Variants in NYAP2 observed in about 807,000 individuals in gnomAD.
NYAP2 encodes the protein neuronal tyrosine-phosphorylated phosphoinositide-3-kinase adapter 2.
Under a neutral mutation model 50.4 loss-of-function variants are expected in NYAP2, and 23 were observed. The ratio of observed to expected loss-of-function variants is 0.46; its 90% CI spans 0.33 to 0.65. The LOEUF is 0.65. Among genes scored for constraint, NYAP2 ranks in the 30% least tolerant of loss-of-function variants. The pLI, the probability that NYAP2 is intolerant of heterozygous loss-of-function variation, is 0.02. For missense variants in NYAP2, 885 were observed against 861.0 expected (o/e 1.03, Z -0.35); for synonymous variants, 394 against 365.2 (o/e 1.08, Z -0.90).
At chr2:225,656,808 C>G (rs187728188), downstream of NYAP2, among the ~76,000 whole-genome samples, 12 of 152,206 alleles carry the variant, frequency 7.9e-5, no homozygotes, top group Admixed American at 7.8e-4. Flanking sequence ...CAATGCCCAG[C>G]GCAAAGTGAG....
intron 2 of NYAP2, among the ~76,000 whole-genome samples, chr2:225,405,402 C>G (rs994140018): frequency 5.9e-5 from 9 of 151,934 alleles, no homozygotes; most frequent in African/African-American, 2.2e-4. Flanking sequence ...TTATAAAATT[C>G]TTGCATACAT....
intron 5 of NYAP2, among the ~76,000 whole-genome samples, chr2:225,595,897 C>A (rs762448926): frequency 6.6e-6 from 1 of 152,190 alleles, no homozygotes; most frequent in East Asian, 1.9e-4. Context: ...CTGGCTTCCT[C>A]TTCTACTCAC....
intron 3 of NYAP2, among the ~76,000 whole-genome samples, chr2:225,448,653 G>C (rs1689600197): frequency 6.6e-6 from 1 of 152,090 alleles, no homozygotes; most frequent in Admixed American, 6.6e-5. Context: ...TCCCAGTAGG[G>C]CTGGCCCTCT....
rs1309957389 is a variant in NYAP2, at chr2:225,582,760, C to T, written c.1343C>T (p.Pro448Leu). The T allele has an allele frequency of 6.2e-7, 1 of 1,613,832 alleles. No individual in the cohort carries two copies. The highest frequency in any genetic ancestry group is 8.5e-7 in the Non-Finnish European group (1 of 1,179,860). ...GTCAGCATGGGGAGGTCCCTGACTCCCCTGAGCCTCAAAAGGCCTCCCCCT... is the reference window on the plus strand; with the variant it reads ...GTCAGCATGGGGAGGTCCCTGACTCTCCTGAGCCTCAAAAGGCCTCCCCCT... Residue 448 changes from proline to leucine, a missense_variant, in exon 5 of 7, where the codon CCC becomes CTC. Coordinates refer to ENST00000636099, the Ensembl canonical transcript of NYAP2. The surrounding 1 kb of genome is among the most constrained non-coding windows in gnomAD (Gnocchi z 7.0).
At chr2:225,403,236 C>T (rs182537942) in intron 2 of NYAP2, among the ~76,000 whole-genome samples, 18 of 152,054 alleles carry the variant, frequency 1.2e-4, no homozygotes, top group Admixed American at 9.8e-4. Flanking sequence ...CTTAATAACT[C>T]AAATTCTAAT....
intron 4 of NYAP2, among the ~76,000 whole-genome samples, chr2:225,567,583 A>C (rs1691983134): frequency 6.6e-6 from 1 of 152,036 alleles, no homozygotes. Flanking sequence ...GTTCACAAGA[A>C]AGAAAGAGAT....
chr2:225,441,008 T>C (rs1277763381), intron 3 of NYAP2, among the ~76,000 whole-genome samples: 2 of 152,202 alleles, frequency 1.3e-5, no homozygotes, highest in Non-Finnish European at 1.5e-5. Flanking sequence ...TTACATTCTG[T>C]GCACTGATCT....
chr2:225,534,371 T>A (rs1294695124), intron 4 of NYAP2, among the ~76,000 whole-genome samples: 1 of 152,234 alleles, frequency 6.6e-6, no homozygotes, highest in Non-Finnish European at 1.5e-5. Flanking sequence ...TCCATATGAT[T>A]GTTCTTTAAT....
intron 5 of NYAP2, among the ~76,000 whole-genome samples, chr2:225,620,457 A>G (rs1198736213): frequency 2.2e-5 from 3 of 137,056 alleles, no homozygotes; most frequent in African/African-American, 5.2e-5. Flanking sequence ...ACGCACGCAC[A>G]CACGCGCATG....
intron 3 of NYAP2, among the ~76,000 whole-genome samples, chr2:225,457,096 T>G (rs1317293447): frequency 1.3e-5 from 2 of 152,230 alleles, no homozygotes; most frequent in African/African-American, 4.8e-5. Context: ...CCATTATTGA[T>G]TCATTGTTTA....
chr2:225,486,612 C>T (rs1238481495), intron 3 of NYAP2, among the ~76,000 whole-genome samples: 1 of 152,196 alleles, frequency 6.6e-6, no homozygotes, highest in East Asian at 1.9e-4. Context: ...CTGAAATAAC[C>T]TCCGGGTTTG....
At chr2:225,641,288 A>T (rs1369446348) in intron 6 of NYAP2, among the ~76,000 whole-genome samples, 1 of 152,134 alleles carries the variant, frequency 6.6e-6, no homozygotes, top group Non-Finnish European at 1.5e-5. Context: ...ACATTATAAA[A>T]TAGAAGACTC....
chr2:225,608,474 A>G (rs933830821), intron 5 of NYAP2, among the ~76,000 whole-genome samples: 47 of 152,176 alleles, frequency 3.1e-4, no homozygotes, highest in African/African-American at 1.0e-3. Flanking sequence ...AATAAATACA[A>G]ACTCTGTAGC....
intron 2 of NYAP2, among the ~76,000 whole-genome samples, chr2:225,406,338 C>T (rs550701140): frequency 7.3e-4 from 111 of 151,918 alleles, no homozygotes; most frequent in South Asian, 3.5e-3. Context: ...GGCCTGTGAC[C>T]GTTTTCGGAG....
intron 3 of NYAP2, among the ~76,000 whole-genome samples, chr2:225,447,290 C>A (rs909683690): frequency 2.6e-5 from 4 of 152,176 alleles, no homozygotes; most frequent in African/African-American, 9.7e-5. Context: ...ACCAATACTG[C>A]ACCCTTCCTC....
At chr2:225,540,762 C>A (rs1691452058) in intron 4 of NYAP2, among the ~76,000 whole-genome samples, 1 of 152,168 alleles carries the variant, frequency 6.6e-6, no homozygotes, top group Non-Finnish European at 1.5e-5. Flanking sequence ...GTGCAGATGT[C>A]TCTTTGACAT....
chr2:225,675,901 T>G, the NYAP2 span, among the ~76,000 whole-genome samples: 259 of 152,288 alleles, frequency 1.7e-3, 1 homozygote, highest in Non-Finnish European at 1.6e-3. Flanking sequence ...ATTAGCGATC[T>G]TAAACATTTT....
At chr2:225,479,129 A>G (rs1024813455) in intron 3 of NYAP2, among the ~76,000 whole-genome samples, 2 of 152,208 alleles carry the variant, frequency 1.3e-5, no homozygotes, top group Non-Finnish European at 2.9e-5. Context: ...GGAAAAAACA[A>G]TAGGAAAAGA....
At chr2:225,572,778 G>A (rs1184833839) in intron 4 of NYAP2, among the ~76,000 whole-genome samples, 1 of 152,192 alleles carries the variant, frequency 6.6e-6, no homozygotes, top group Admixed American at 6.5e-5. Flanking sequence ...CTAGCATGCT[G>A]AGTCCATGTC....
Sources: gnomAD v4.1 joint callset for allele counts (sites outside exome capture counted in the v4.1 genomes callset) on GRCh38, gnomAD v4.1.1 for gene constraint, Gnocchi (gnomAD v3.1) non-coding constraint, MANE v1.5 for transcripts, NCBI Gene and HGNC (gene_info 2026-07-23, HGNC 2026-07-21) for gene names.